The following SYBU variants were observed in gnomAD, a reference collection of about 807,000 sequenced individuals.
The protein encoded by SYBU is syntabulin.
A neutral mutation model predicts 35.9 loss-of-function variants in SYBU; 21 were observed. The ratio of observed to expected loss-of-function variants is 0.58; its 90% CI spans 0.41 to 0.84. The LOEUF is 0.84. Ranked by LOEUF, SYBU falls within the 40% of genes least tolerant of loss-of-function variation. SYBU has a pLI of 0.00. For synonymous variants in SYBU, 319 were observed against 324.3 expected, an observed-to-expected ratio of 0.98 and a Z score of 0.18; for missense variants, 768 against 848.2, an observed-to-expected ratio of 0.91 and a Z score of 1.17.
chr8:109,644,993 C>A, upstream of SYBU: 1 of 497,552 alleles, frequency 2.0e-6, no homozygotes, highest in East Asian at 4.0e-5. Flanking sequence ...ACTCCGCGCC[C>A]CCCCAGCCAG....
chr8:109,618,252 C>G (rs1411425928), intron 3 of SYBU, among the ~76,000 whole-genome samples: 2 of 152,232 alleles, frequency 1.3e-5, no homozygotes, highest in African/African-American at 4.8e-5. Flanking sequence ...TTGACCTTTT[C>G]TGATGCTGCT....
intron 2 of SYBU, among the ~76,000 whole-genome samples, chr8:109,623,770 A>G (rs1056779197): frequency 3.9e-5 from 6 of 152,154 alleles, no homozygotes; most frequent in African/African-American, 1.4e-4. Flanking sequence ...AATTAAATTA[A>G]ATCTGTTGAG....
chr8:109,634,588 T>C (rs572309218), intron 2 of SYBU, among the ~76,000 whole-genome samples: 3 of 152,328 alleles, frequency 2.0e-5, no homozygotes, highest in Admixed American at 6.5e-5. Context: ...GGGGACTATA[T>C]TGTTCCTGCC....
At chr8:109,634,997 G>A (rs1162303156) in intron 2 of SYBU, among the ~76,000 whole-genome samples, 1 of 152,036 alleles carries the variant, frequency 6.6e-6, no homozygotes, top group Non-Finnish European at 1.5e-5. Flanking sequence ...CCTGCCACTT[G>A]ATAAACACCT....
upstream of SYBU, among the ~76,000 whole-genome samples, chr8:109,681,205 C>T (rs984322150): frequency 3.3e-5 from 5 of 152,136 alleles, no homozygotes; most frequent in African/African-American, 7.2e-5. Context: ...GAGTGTGTGT[C>T]TGAATGTTTT....
At chr8:109,682,564 G>A (rs1817425729), upstream of SYBU, among the ~76,000 whole-genome samples, 1 of 152,156 alleles carries the variant, frequency 6.6e-6, no homozygotes, top group South Asian at 2.1e-4. Context: ...AAGTGGCAAA[G>A]CATTCAAGGG....
At chr8:109,672,969 A>T (rs1339242661) in intron 1 of SYBU, among the ~76,000 whole-genome samples, 3 of 152,206 alleles carry the variant, frequency 2.0e-5, no homozygotes, top group African/African-American at 7.2e-5. Context: ...TTGTAGCCAG[A>T]CTGCCTCTTT....
At chr8:109,578,794 G>T (rs1822665682) in intron 5 of SYBU, among the ~76,000 whole-genome samples, 1 of 152,192 alleles carries the variant, frequency 6.6e-6, no homozygotes, top group Non-Finnish European at 1.5e-5. Flanking sequence ...TCTGCACAGT[G>T]TGCCACTGCC....
chr8:109,641,518 G>T (rs577610485), intron 2 of SYBU, among the ~76,000 whole-genome samples: 2 of 152,360 alleles, frequency 1.3e-5, no homozygotes, highest in East Asian at 1.9e-4. Flanking sequence ...GTATGTAAGT[G>T]GTGAAAGGGC....
At chr8:109,645,648 C>CTTTTTTTTTTTT (rs1815615372), upstream of SYBU, 1 of 258,834 alleles carries the variant, frequency 3.9e-6, no homozygotes, top group African/African-American at 4.1e-5. Context: ...TTTTTTTTTC[C>CTTTTTTTTTTTT]GTTGCTGTTG....
upstream of SYBU, among the ~76,000 whole-genome samples, chr8:109,682,852 T>C (rs1817432863): frequency 6.6e-6 from 1 of 152,224 alleles, no homozygotes. Context: ...CAGGACATGG[T>C]GCTCTGCATC....
intron 1 of SYBU, among the ~76,000 whole-genome samples, chr8:109,655,575 C>A (rs1287453660): frequency 6.6e-6 from 1 of 152,136 alleles, no homozygotes; most frequent in Non-Finnish European, 1.5e-5. Context: ...TTAGTGGACT[C>A]ATTTCTCTTG....
rs148239111 is a variant in SYBU at position 109,603,491 on chromosome 8, A to C, written c.427+15351T>G. 5.1e-4 allele frequency: 378 copies of C among 739,148 alleles called. 2 individuals are homozygous for C. The African/African-American group carries it at 6.7e-3, about 13-fold the overall frequency. 45.8% of individuals were successfully genotyped at this position (739,148 alleles called of 1,614,324 possible). On this transcript the variant is annotated intron_variant, in intron 3 of 6. Coordinates refer to ENST00000276646, the MANE Select transcript of SYBU (RefSeq NM_001099754.2). ...TCCCAGGCCAACCCTTTGCTTGCCCAGCTACTCTGCCCCACCCCCCTACAC... is the reference window on the plus strand; with the variant it reads ...TCCCAGGCCAACCCTTTGCTTGCCCCGCTACTCTGCCCCACCCCCCTACAC...
intron 1 of SYBU, among the ~76,000 whole-genome samples, chr8:109,651,448 C>CTTTTTTTTTTT (rs535652540): frequency 1.6e-5 from 1 of 64,500 alleles, no homozygotes; most frequent in African/African-American, 5.3e-5. Flanking sequence ...GAAATTGAGA[C>CTTTTTTTTTTT]TTTTTTTTTT....
intron 4 of SYBU, among the ~76,000 whole-genome samples, chr8:109,581,601 A>G (rs1202642986): frequency 2.0e-5 from 3 of 152,230 alleles, no homozygotes; most frequent in African/African-American, 7.2e-5. Context: ...TGATGGCAAA[A>G]AAAGAGAAAA....
chr8:109,601,790 A>G (rs1318256230), intron 3 of SYBU, among the ~76,000 whole-genome samples: 1 of 152,250 alleles, frequency 6.6e-6, no homozygotes, highest in East Asian at 1.9e-4. Flanking sequence ...TTGTATGGCT[A>G]GAATATAGTG....
chr8:109,590,800 A>C (rs1051723269), intron 3 of SYBU, among the ~76,000 whole-genome samples: 1 of 151,766 alleles, frequency 6.6e-6, no homozygotes, highest in African/African-American at 2.4e-5. Flanking sequence ...AAATGGGCCA[A>C]GGACATATTA....
At chr8:109,669,979 T>C (rs1437224107) in intron 1 of SYBU, among the ~76,000 whole-genome samples, 1 of 152,180 alleles carries the variant, frequency 6.6e-6, no homozygotes, top group Non-Finnish European at 1.5e-5. Context: ...ACAAAAAAGG[T>C]CAGTAATGGT....
At chr8:109,651,607 G>A (rs1255459134) in intron 1 of SYBU, among the ~76,000 whole-genome samples, 1 of 152,022 alleles carries the variant, frequency 6.6e-6, no homozygotes, top group Non-Finnish European at 1.5e-5. Flanking sequence ...TAACTTTTCT[G>A]TGCCTCATTT....
Sources: gnomAD v4.1 joint callset for allele counts (sites outside exome capture counted in the v4.1 genomes callset) on GRCh38, gnomAD v4.1.1 for gene constraint, MANE v1.5 for transcripts, NCBI Gene and HGNC (gene_info 2026-07-23, HGNC 2026-07-21) for gene names.